Variants in RGSL1 observed in about 807,000 individuals in gnomAD.
RGSL1 encodes regulator of G protein signaling protein-like.
RGSL1 carries 97 observed loss-of-function variants against 124.7 expected under a neutral mutation model. That is an observed-to-expected ratio of 0.78 (90% confidence interval 0.66 to 0.92). RGSL1 has a LOEUF of 0.92. RGSL1 is among the 40% of genes least tolerant of loss of function. RGSL1 has a pLI of 0.00. For missense variants in RGSL1, 1,233 were observed against 1,288.4 expected (o/e 0.96, Z 0.66); for synonymous variants, 424 against 438.1 (o/e 0.97, Z 0.40).
At chr1:182,475,174 T>C (rs1360959523) in intron 6 of RGSL1, among the ~76,000 whole-genome samples, 1 of 152,148 alleles carries the variant, frequency 6.6e-6, no homozygotes. Flanking sequence ...TGAGGAGAGT[T>C]TTAAATTTCT....
At chr1:182,480,292 G>A (rs959932521) in intron 6 of RGSL1, among the ~76,000 whole-genome samples, 32 of 152,116 alleles carry the variant, frequency 2.1e-4, no homozygotes, top group African/African-American at 6.5e-4. Flanking sequence ...ATAGCCAGAC[G>A]TGGTGGCACA....
Position 182,474,223 on chromosome 1 carries a change from A to G in RGSL1, c.1112A>G (p.His371Arg). 2.6e-6 allele frequency: 4 copies of G among 1,551,982 alleles called. No homozygotes were observed. The highest frequency in any genetic ancestry group is 1.7e-4 in the Middle Eastern group (1 of 5,992). Reference sequence around the variant, plus strand: ...CAAAGCTTCTCCTTAGGATACATCCACTTGGCCTTGTGTGCTGATGCCTGT... The same window carrying G: ...CAAAGCTTCTCCTTAGGATACATCCGCTTGGCCTTGTGTGCTGATGCCTGT... Reference protein sequence around the residue: ...IKQSFSLGYIHLALCADACAG... With the variant: ...IKQSFSLGYIRLALCADACAG... Residue 371 changes from histidine to arginine, a missense_variant, in exon 6 of 22, where the codon CAC (histidine) becomes CGC (arginine). His to Arg is a conservative substitution (Grantham distance 29). Transcript: ENST00000294854.
Position 182,493,017 on chromosome 1 carries a change from C to T in RGSL1, c.1718-5C>T, listed in dbSNP as rs1655648613. The T allele has an allele frequency of 2.0e-6, 3 of 1,535,002 alleles. No individual in the cohort carries two copies. Among genetic ancestry groups the T allele is most frequent in the African/African-American group, 1.4e-5 (1 of 72,690 alleles). ...ACTCTATCTCTGTTTTTCCTTACTT[C>T]ACAGACATAACTAAAATGTCCTTTG... is the stretch of plus-strand genomic sequence containing the variant. On this transcript the variant is annotated splice_region_variant and splice_polypyrimidine_tract_variant and intron_variant, in intron 8 of 21. Coordinates refer to ENST00000294854, the MANE Select transcript of RGSL1 (RefSeq NM_001137669.2).
At chr1:182,524,694 A>T (rs1658609264) in intron 10 of RGSL1, among the ~76,000 whole-genome samples, 1 of 152,200 alleles carries the variant, frequency 6.6e-6, no homozygotes, top group African/African-American at 2.4e-5. Context: ...CTTGCTGCCA[A>T]CAGAGGGCAC....
intron 9 of RGSL1, among the ~76,000 whole-genome samples, chr1:182,509,457 C>T (rs1657153178): frequency 2.1e-5 from 1 of 47,728 alleles, no homozygotes; most frequent in Non-Finnish European, 4.7e-5. Flanking sequence ...CCCCCCACCT[C>T]CCTCCCGGAC....
chr1:182,555,996 G>C (rs1161295988), intron 20 of RGSL1, 28 bp from the exon 21 acceptor site: 2 of 1,544,516 alleles, frequency 1.3e-6, no homozygotes, highest in South Asian at 1.2e-5. Context: ...TCATAATTGT[G>C]ATAACTGGCT....
chr1:182,497,007 T>C (rs138405982), intron 9 of RGSL1, among the ~76,000 whole-genome samples: 4 of 152,300 alleles, frequency 2.6e-5, no homozygotes, highest in East Asian at 1.9e-4. Flanking sequence ...TTGCCCAATG[T>C]ATATGATACA....
At chr1:182,504,875 C>G (rs936508328) in intron 9 of RGSL1, among the ~76,000 whole-genome samples, 3 of 152,164 alleles carry the variant, frequency 2.0e-5, no homozygotes, top group African/African-American at 7.2e-5. Flanking sequence ...TATAACTCTT[C>G]TTTAGCCTTC....
At position 182,460,037 on chromosome 1, in the gene RGSL1, G is replaced by GA. The variant is rs774087733; in HGVS notation, c.210dup (p.Cys71MetfsTer8). 3 of 1,551,472 alleles carry GA rather than the reference G, an allele frequency of 1.9e-6. No homozygotes were observed. The highest frequency in any genetic ancestry group is 4.9e-5 in the East Asian group (2 of 40,922). On this transcript the variant is annotated frameshift_variant, in exon 4 of 22. Transcript: ENST00000294854. LOFTEE classifies it high-confidence loss of function. ...ATACAAAGGGTTATTGACCTGGTTG[G>GA]AAAAATGCCGATTACCTTTCTTCTG...
intron 6 of RGSL1, among the ~76,000 whole-genome samples, chr1:182,484,831 A>G (rs1290055400): frequency 6.6e-6 from 1 of 152,196 alleles, no homozygotes; most frequent in Non-Finnish European, 1.5e-5. Context: ...CAAGGGGAAG[A>G]GTGTGACAGC....
chr1:182,532,561 G>T, intron 13 of RGSL1, 101 bp from the exon 14 acceptor site: 1 of 1,120,762 alleles, frequency 8.9e-7, no homozygotes. Flanking sequence ...GAGGTGTTGT[G>T]AGGATTAAAT....
intron 10 of RGSL1, among the ~76,000 whole-genome samples, chr1:182,526,126 G>T (rs1658724264): frequency 6.6e-6 from 1 of 152,134 alleles, no homozygotes; most frequent in East Asian, 1.9e-4. Flanking sequence ...CTCAGGCACA[G>T]GCAGCTTCAC....
At chr1:182,460,183 T>C in intron 4 of RGSL1, 50 bp downstream of exon 4, 1 of 1,487,596 alleles carries the variant, frequency 6.7e-7, no homozygotes, top group East Asian at 2.5e-5. Context: ...TGTGTGTGTG[T>C]GTAGAAATAT....
At chr1:182,452,886 T>G (rs1379402275) in intron 1 of RGSL1, among the ~76,000 whole-genome samples, 1 of 152,264 alleles carries the variant, frequency 6.6e-6, no homozygotes, top group Non-Finnish European at 1.5e-5. Context: ...CCTCATCAGA[T>G]GCTTAGGTTG....
At chr1:182,477,527 GCCCTGTCCA>G (rs1654387518) in intron 6 of RGSL1, among the ~76,000 whole-genome samples, 1 of 152,144 alleles carries the variant, frequency 6.6e-6, no homozygotes, top group South Asian at 2.1e-4. Flanking sequence ...CTCTGAGGCA[GCCCTGTCCA>G]CCCATGGACC....
Position 182,556,196 on chromosome 1 carries a change from A to G in RGSL1, c.*139A>G. ...AAGAAGGGCAATGGGTTGACAGCCC[A>G]GATATGGCAGGACCAGACTGCAATG... On this transcript the variant is annotated 3_prime_UTR_variant, in exon 21 of 22. Coordinates refer to ENST00000294854, the MANE Select transcript of RGSL1 (RefSeq NM_001137669.2). 1.3e-6 allele frequency: 1 copy of G among 786,566 alleles called. No individual in the cohort carries two copies. Among genetic ancestry groups the G allele is most frequent in the Non-Finnish European group, 2.1e-6 (1 of 487,778 alleles). 48.7% of individuals were successfully genotyped at this position (786,566 alleles called of 1,614,324 possible). A position where few individuals can be genotyped will look rare whatever the true frequency, so the allele number is the denominator to read the frequency against.
At chr1:182,531,624 T>C (rs1332539102) in intron 13 of RGSL1, among the ~76,000 whole-genome samples, 1 of 152,202 alleles carries the variant, frequency 6.6e-6, no homozygotes, top group Non-Finnish European at 1.5e-5. Flanking sequence ...AATGTGTTAC[T>C]CTTCCTTTTC....
intron 3 of RGSL1, among the ~76,000 whole-genome samples, chr1:182,459,675 A>G (rs1652646241): frequency 6.6e-6 from 1 of 152,246 alleles, no homozygotes; most frequent in African/African-American, 2.4e-5. Flanking sequence ...CCACAGACCC[A>G]AATCTTTTCT....
chr1:182,545,911 T>A (rs10797784), intron 15 of RGSL1, among the ~76,000 whole-genome samples: 1 of 151,380 alleles, frequency 6.6e-6, no homozygotes, highest in Non-Finnish European at 1.5e-5. Flanking sequence ...TTGGGTCAAA[T>A]TTATTTAATG....
Sources: gnomAD v4.1 joint callset for allele counts (sites outside exome capture counted in the v4.1 genomes callset) on GRCh38, gnomAD v4.1.1 for gene constraint, MANE v1.5 for transcripts, NCBI Gene and HGNC (gene_info 2026-07-23, HGNC 2026-07-21) for gene names.